Variants in PTGER3 observed in about 807,000 individuals in gnomAD.
The protein encoded by PTGER3 is prostaglandin E receptor 3.
Under a neutral mutation model 34.7 loss-of-function variants are expected in PTGER3, and 22 were observed. The observed-to-expected ratio is 0.63, with a 90% confidence interval of 0.45 to 0.91. The LOEUF (loss-of-function observed/expected upper bound fraction) is 0.91. Ranked by LOEUF, PTGER3 falls within the 40% of genes least tolerant of loss-of-function variation. The pLI is 0.00. For missense variants in PTGER3, 468 were observed against 519.4 expected, an observed-to-expected ratio of 0.90 and a Z score of 0.96; for synonymous variants, 241 against 230.1, an observed-to-expected ratio of 1.05 and a Z score of -0.43.
At chr1:70,888,754 T>C (rs72669134) in intron 4 of PTGER3, among the ~76,000 whole-genome samples, 144 of 136,326 alleles carry the variant, frequency 1.1e-3, no homozygotes, top group Non-Finnish European at 1.5e-3. Context: ...AATTTGGGGA[T>C]TTTTTTTTTC....
chr1:70,865,550 A>G (rs556541487), intron 4 of PTGER3: 232 of 1,117,186 alleles, frequency 2.1e-4, no homozygotes, highest in Non-Finnish European at 2.1e-4. Context: ...TTCTTGACTT[A>G]TAAAATCAGG....
At chr1:70,858,221 T>C (rs531509998) in intron 4 of PTGER3, among the ~76,000 whole-genome samples, 2 of 137,550 alleles carry the variant, frequency 1.5e-5, no homozygotes, top group East Asian at 4.3e-4. Flanking sequence ...TTTTTTTTGG[T>C]ACAACATAGC....
At position 70,960,089 on chromosome 1, in the gene PTGER3, T is replaced by TG. The variant is rs541270332; in HGVS notation, c.1078-6301dup. On this transcript the variant is annotated intron_variant, in intron 2 of 3. Transcript: ENST00000356595. The stretch of plus-strand genomic sequence containing the variant: ...CAAACCAAGAAACTCCAAAGCTTGC[T>TG]GGCAGAAGCTATAAGAAAGGGGTGG... Among the ~76,000 whole-genome samples, 120 of 152,270 alleles carry TG rather than the reference T, an allele frequency of 7.9e-4. 1 individual carries two copies. The highest frequency in any genetic ancestry group is 7.8e-3 in the Admixed American group (120 of 15,298).
chr1:70,945,470 G>A (rs1014159120), intron 4 of PTGER3, among the ~76,000 whole-genome samples: 3 of 152,044 alleles, frequency 2.0e-5, no homozygotes, highest in Admixed American at 6.6e-5. Flanking sequence ...GACTGAACTG[G>A]GATGCATTCC....
chr1:70,880,633 T>C (rs1470529474), intron 4 of PTGER3, among the ~76,000 whole-genome samples: 1 of 148,984 alleles, frequency 6.7e-6, no homozygotes, highest in Admixed American at 6.8e-5. Context: ...GAGGTTGCAG[T>C]GAGCTGAGAT....
intron 4 of PTGER3, among the ~76,000 whole-genome samples, chr1:70,929,050 G>A (rs1484168803): frequency 6.6e-6 from 1 of 152,036 alleles, no homozygotes; most frequent in Non-Finnish European, 1.5e-5. Flanking sequence ...CCGTTTCTCA[G>A]GACAGCTGCA....
At chr1:70,917,511 A>G (rs1460729268) in intron 4 of PTGER3, among the ~76,000 whole-genome samples, 1 of 151,440 alleles carries the variant, frequency 6.6e-6, no homozygotes, top group African/African-American at 2.4e-5. Context: ...TAGCACTGCA[A>G]TAAACATGAG....
chr1:70,977,171 T>C (rs1653788140), intron 2 of PTGER3, among the ~76,000 whole-genome samples: 7 of 152,150 alleles, frequency 4.6e-5, no homozygotes. Context: ...CCAAATTATT[T>C]TCCTATGGCA....
In PTGER3 at chr1:71,046,886, G is replaced by A. The variant is rs758462128; in HGVS notation, c.692C>T (p.Ala231Val). ...SSHNWGNLFF[A>V]SAFAFLGLLA... ...GAGCCCCAGGAAGGCAAAGGCAGAG[G>A]CGAAGAAAAGGTTGCCCCAGTTATG... The change falls in exon 1 of 4, where the codon GCC becomes GTC. Residue 231 changes from alanine to valine, a missense_variant. By Grantham distance (64) the Ala-to-Val change is moderately conservative (BLOSUM62 0). This residue lies in a region of PTGER3 where 204 missense variants were observed against 230.8 expected (regional missense o/e 0.88). Transcript: ENST00000306666. 9.9e-6 allele frequency: 16 copies of A among 1,613,252 alleles called. No individual in the cohort carries two copies. The highest frequency in any genetic ancestry group is 1.3e-5 in the African/African-American group (1 of 74,942).
chr1:70,931,559 G>A (rs1256458253), intron 4 of PTGER3, among the ~76,000 whole-genome samples: 2 of 152,212 alleles, frequency 1.3e-5, no homozygotes, highest in Non-Finnish European at 2.9e-5. Context: ...TCTAGGTGGA[G>A]GTTCTCAAAC....
At chr1:71,006,826 G>A (rs577599040) in intron 2 of PTGER3, 62 of 985,368 alleles carry the variant, frequency 6.3e-5, no homozygotes, top group East Asian at 5.7e-4. Context: ...TATTCCTGAC[G>A]TGAGTTGACA....
At chr1:71,021,365 T>C (rs1336137627) in intron 1 of PTGER3, among the ~76,000 whole-genome samples, 1 of 152,196 alleles carries the variant, frequency 6.6e-6, no homozygotes, top group Non-Finnish European at 1.5e-5. Context: ...TAAATGTTTA[T>C]CTTTCTATTA....
chr1:70,911,186 A>C (rs1318065839), intron 4 of PTGER3, among the ~76,000 whole-genome samples: 1 of 151,678 alleles, frequency 6.6e-6, no homozygotes, highest in Non-Finnish European at 1.5e-5. Flanking sequence ...AAAAGTGCTT[A>C]ATCTGAACAA....
chr1:71,047,346 G>A lies in PTGER3; in HGVS notation c.232C>T (p.Arg78Trp). ...LAMLLVSRSY[R>W]RRESKRKKSF... ...TTCTTGCGCTTGCTCTCCCGGCGCC[G>A]GTAGCTGCGCGACACGAGCAGCATG... The change falls in exon 1 of 4, where the codon CGG (arginine) becomes TGG (tryptophan). Residue 78 changes from arginine to tryptophan, a missense_variant. Around this residue, in one of 5 missense-constraint regions of PTGER3, gnomAD observed 151 missense variants for 133.5 expected, o/e 1.13. Coordinates refer to ENST00000306666, the MANE Select transcript of PTGER3 (RefSeq NM_198719.2). 2 of 1,608,356 alleles carry A rather than the reference G, an allele frequency of 1.2e-6. No individual in the cohort carries two copies. Among genetic ancestry groups the A allele is most frequent in the South Asian group, 1.1e-5 (1 of 89,780 alleles).
chr1:70,969,864 T>C (rs951044793), downstream of PTGER3, among the ~76,000 whole-genome samples: 3 of 152,196 alleles, frequency 2.0e-5, no homozygotes, highest in African/African-American at 7.2e-5. Flanking sequence ...TAGTAAATAC[T>C]TTCTGAGGAT....
intron 1 of PTGER3, among the ~76,000 whole-genome samples, chr1:71,018,274 C>T (rs1433132364): frequency 1.3e-5 from 2 of 152,088 alleles, no homozygotes; most frequent in Non-Finnish European, 2.9e-5. Context: ...TTTTTACTTT[C>T]CTAGGAAACT....
chr1:70,980,552 C>T (rs1654155207), intron 2 of PTGER3, among the ~76,000 whole-genome samples: 1 of 151,866 alleles, frequency 6.6e-6, no homozygotes, highest in African/African-American at 2.4e-5. Context: ...TTCCTGGAGC[C>T]TAGGAATTTG....
At chr1:70,942,863 C>T (rs533942549) in intron 4 of PTGER3, among the ~76,000 whole-genome samples, 1 of 152,238 alleles carries the variant, frequency 6.6e-6, no homozygotes, top group East Asian at 1.9e-4. Flanking sequence ...AAGGTGTTCA[C>T]CTGCAAGCCA....
intron 1 of PTGER3, among the ~76,000 whole-genome samples, chr1:71,034,919 C>T (rs913872897): frequency 5.9e-5 from 9 of 152,120 alleles, no homozygotes; most frequent in African/African-American, 1.9e-4. Flanking sequence ...TTAGTTTTCT[C>T]ATCATAATAA....
Sources: gnomAD v4.1 joint callset for allele counts (sites outside exome capture counted in the v4.1 genomes callset) on GRCh38, gnomAD v4.1.1 for gene constraint, gnomAD v4.1.1 regional missense constraint, MANE v1.5 for transcripts, NCBI Gene and HGNC (gene_info 2026-07-23, HGNC 2026-07-21) for gene names.